The following CHSY3 variants were observed in gnomAD, a reference collection of about 807,000 sequenced individuals.
CHSY3 encodes chondroitin sulfate synthase 3.
A neutral mutation model predicts 67.2 loss-of-function variants in CHSY3; 35 were observed. That is an observed-to-expected ratio of 0.52 (90% CI 0.40 to 0.69). The LOEUF (loss-of-function observed/expected upper bound fraction) is 0.69, where lower values mean the gene tolerates loss of function less well. Among genes scored for constraint, CHSY3 ranks in the 30% least tolerant of loss-of-function variants. The pLI is 0.00. For missense variants in CHSY3, 1,069 were observed against 1,138.5 expected (o/e 0.94, Z 0.88); for synonymous variants, 474 against 434.7 (o/e 1.09, Z -1.12).
chr5:129,908,413 T>C, intron 2 of CHSY3, 53 bp downstream of exon 2: 4 of 1,583,908 alleles, frequency 2.5e-6, no homozygotes, highest in Non-Finnish European at 2.6e-6. Context: ...ACATGCCATT[T>C]TATAATCTAG....
chr5:130,073,742 A>G (rs931989790), intron 2 of CHSY3, among the ~76,000 whole-genome samples: 1 of 152,158 alleles, frequency 6.6e-6, no homozygotes, highest in Non-Finnish European at 1.5e-5. Context: ...ATTGAAATCA[A>G]CTGAATCTTA....
chr5:130,059,064 G>A (rs866904558), intron 2 of CHSY3, among the ~76,000 whole-genome samples: 115 of 152,264 alleles, frequency 7.6e-4, no homozygotes, highest in African/African-American at 2.6e-3. Context: ...TTTTGTGAAG[G>A]TACCTTAAAG....
chr5:129,955,781 A>G (rs1480504506), intron 2 of CHSY3, among the ~76,000 whole-genome samples: 1 of 152,110 alleles, frequency 6.6e-6, no homozygotes, highest in South Asian at 2.1e-4. Context: ...ATAGATAAGA[A>G]TATGTGGTAT....
At chr5:130,064,740 A>C (rs190350190) in intron 2 of CHSY3, among the ~76,000 whole-genome samples, 2 of 152,178 alleles carry the variant, frequency 1.3e-5, no homozygotes, top group African/African-American at 4.8e-5. Context: ...AGTGATTTGC[A>C]GGGTCTAGAA....
chr5:129,909,369 C>T (rs1254914451), intron 2 of CHSY3, among the ~76,000 whole-genome samples: 1 of 151,980 alleles, frequency 6.6e-6, no homozygotes, highest in African/African-American at 2.4e-5. Context: ...ATAGAAGAAA[C>T]ATTTTATGAA....
intron 2 of CHSY3, among the ~76,000 whole-genome samples, chr5:130,048,760 C>A (rs1409193103): frequency 6.6e-6 from 1 of 151,878 alleles, no homozygotes; most frequent in African/African-American, 2.4e-5. Flanking sequence ...CATCTTCCAA[C>A]TTGTGAGTGA....
At chr5:130,108,614 C>T (rs897770963) in intron 2 of CHSY3, among the ~76,000 whole-genome samples, 7 of 151,408 alleles carry the variant, frequency 4.6e-5, no homozygotes, top group African/African-American at 9.7e-5. Context: ...CCCATATATG[C>T]GGTTATGATT....
chr5:130,081,664 T>G (rs1027713348), intron 2 of CHSY3, among the ~76,000 whole-genome samples: 1 of 151,954 alleles, frequency 6.6e-6, no homozygotes, highest in Admixed American at 6.6e-5. Flanking sequence ...ATAATAAGTC[T>G]CATGAGATCT....
At chr5:130,029,289 T>C (rs541720234) in intron 2 of CHSY3, among the ~76,000 whole-genome samples, 1 of 152,284 alleles carries the variant, frequency 6.6e-6, no homozygotes, top group South Asian at 2.1e-4. Context: ...GGTCTCATGC[T>C]ACACATTTTA....
At chr5:130,151,569 A>G (rs952260558) in intron 2 of CHSY3, among the ~76,000 whole-genome samples, 1 of 152,204 alleles carries the variant, frequency 6.6e-6, no homozygotes, top group Non-Finnish European at 1.5e-5. Context: ...ATTTATAAAG[A>G]AAAGAGGCTT....
chr5:129,907,218 T>TA (rs1472610042), intron 1 of CHSY3, among the ~76,000 whole-genome samples: 1 of 152,206 alleles, frequency 6.6e-6, no homozygotes, highest in Non-Finnish European at 1.5e-5. Flanking sequence ...TTCAGAACAT[T>TA]AAAATGACAT....
chr5:130,143,720 ATGTG>A lies in CHSY3; in HGVS notation c.1087-40497_1087-40494del, dbSNP rs371451856. Among the ~76,000 whole-genome samples, 462 of 110,306 alleles carry A rather than the reference ATGTG, an allele frequency of 4.2e-3. 6 individuals carry two copies. The highest frequency in any genetic ancestry group is 0.016 in the African/African-American group (406 of 24,798). The allele number at this position is 110,306 out of a possible 152,430, so 72.4% of individuals were successfully genotyped here. ...TCATACCCATAGGGTATATATATAT[ATGTG>A]TGTGTGTGTGTATATATATATATAT... On this transcript the variant is annotated intron_variant, in intron 2 of 2. Transcript: ENST00000305031.
At chr5:130,181,004 G>T (rs966159948) in intron 2 of CHSY3, among the ~76,000 whole-genome samples, 2 of 152,056 alleles carry the variant, frequency 1.3e-5, no homozygotes, top group Non-Finnish European at 2.9e-5. Flanking sequence ...CTACCTCTTG[G>T]CATTTATTCT....
chr5:130,107,285 A>G (rs1350195948), intron 2 of CHSY3, among the ~76,000 whole-genome samples: 1 of 151,270 alleles, frequency 6.6e-6, no homozygotes, highest in Non-Finnish European at 1.5e-5. Context: ...TAAAGGGTAA[A>G]TTCTCCTGAC....
intron 2 of CHSY3, among the ~76,000 whole-genome samples, chr5:129,947,334 G>A (rs758323472): frequency 2.0e-4 from 31 of 152,126 alleles, no homozygotes; most frequent in Non-Finnish European, 4.3e-4. Flanking sequence ...AATTCAAGAC[G>A]AGATTTGAGC....
At chr5:130,140,263 T>C (rs558175143) in intron 2 of CHSY3, 2 of 336,092 alleles carry the variant, frequency 6.0e-6, no homozygotes, top group Non-Finnish European at 1.1e-5. Flanking sequence ...TGGATGGAGA[T>C]TTGAGGATAC....
chr5:130,111,148 T>C (rs186541699), intron 2 of CHSY3, among the ~76,000 whole-genome samples: 2 of 152,090 alleles, frequency 1.3e-5, no homozygotes, highest in African/African-American at 4.8e-5. Context: ...GCCAGCCCCA[T>C]GGCATGAATC....
chr5:130,040,612 G>A (rs1764981915), intron 2 of CHSY3, among the ~76,000 whole-genome samples: 1 of 152,090 alleles, frequency 6.6e-6, no homozygotes, highest in African/African-American at 2.4e-5. Context: ...ATGTACAGCT[G>A]TAAATAATAA....
chr5:129,957,106 G>GT (rs1762199325), intron 2 of CHSY3, among the ~76,000 whole-genome samples: 1 of 152,022 alleles, frequency 6.6e-6, no homozygotes, highest in Non-Finnish European at 1.5e-5. Context: ...AGCATGGAAT[G>GT]TTTTTCCATT....
Sources: gnomAD v4.1 joint callset for allele counts (sites outside exome capture counted in the v4.1 genomes callset) on GRCh38, gnomAD v4.1.1 for gene constraint, MANE v1.5 for transcripts, NCBI Gene and HGNC (gene_info 2026-07-23, HGNC 2026-07-21) for gene names.